PLCD3: variants seen among roughly 807,000 people sequenced by gnomAD.
PLCD3 encodes the protein phospholipase C delta 3, also known as 1-phosphatidylinositol 4,5-bisphosphate phosphodiesterase delta-3.
A neutral mutation model predicts 82.8 loss-of-function variants in PLCD3; 62 were observed. That is an observed-to-expected ratio of 0.75 (90% confidence interval 0.61 to 0.93). PLCD3 has a LOEUF of 0.93. Ranked by LOEUF, PLCD3 falls within the 40% of genes least tolerant of loss-of-function variation. The pLI is 0.00. For missense variants in PLCD3, 1,023 were observed against 1,103.4 expected, an observed-to-expected ratio of 0.93 and a Z score of 1.03; for synonymous variants, 478 against 471.8, an observed-to-expected ratio of 1.01 and a Z score of -0.17.
rs969411498 is a variant in PLCD3, at chr17:45,112,821, C to G, written c.2281+42G>C. 2.5e-6 allele frequency: 4 copies of G among 1,608,444 alleles called. No homozygotes were observed. In the South Asian group the frequency reaches 4.5e-5, roughly 18 times the overall value. On this transcript the variant is annotated intron_variant, in intron 14 of 14. Coordinates refer to ENST00000619929, the MANE Select transcript of PLCD3 (RefSeq NM_133373.5). ...CAAAGGTGAACAGGGTCTGCAGGAC[C>G]TGGACCCACATCCCTCTCCATCCCC...
Position 45,112,711 on chromosome 17 carries a change from G to T in PLCD3, c.2282-7C>A. On this transcript the variant is annotated splice_polypyrimidine_tract_variant and splice_region_variant and intron_variant, in intron 14 of 14. Coordinates refer to ENST00000619929, the MANE Select transcript of PLCD3 (RefSeq NM_133373.5). ...AGGTGTATGTGGCGGTACCCTGTAG[G>T]GAGGACAGCCAGGCCTCAGGTCCTC... 6.2e-7 allele frequency: 1 copy of T among 1,601,910 alleles called. No homozygotes were observed. The highest frequency in any genetic ancestry group is 8.5e-7 in the Non-Finnish European group (1 of 1,174,476).
intron 1 of PLCD3, among the ~76,000 whole-genome samples, chr17:45,129,938 A>G (rs1340447755): frequency 6.6e-6 from 1 of 152,178 alleles, no homozygotes; most frequent in Non-Finnish European, 1.5e-5. Context: ...TATAAAATCT[A>G]TTCTCTGTTA....
intron 8 of PLCD3, 79 bp from the exon 9 acceptor site, chr17:45,115,569 C>T (rs139855877): frequency 2.8e-5 from 38 of 1,347,582 alleles, no homozygotes; most frequent in Admixed American, 2.4e-4. Context: ...ATTCAACCAC[C>T]GCCTTGTGAG....
At chr17:45,112,841 A>G in intron 14 of PLCD3, 22 bp downstream of exon 14, 1 of 1,611,120 alleles carries the variant, frequency 6.2e-7, no homozygotes. Flanking sequence ...ATCCCTCTCC[A>G]TCCCCACCAG....
At chr17:45,120,257 T>C (rs1207572575) in intron 4 of PLCD3, 68 bp downstream of exon 4, 10 of 1,601,244 alleles carry the variant, frequency 6.2e-6, no homozygotes, top group Non-Finnish European at 6.8e-6. Flanking sequence ...ATGATTCAGA[T>C]GGCTGGGGGC....
Position 45,127,510 on chromosome 17 carries a change from C to T in PLCD3, c.163+4738G>A, listed in dbSNP as rs550845380. Among the ~76,000 whole-genome samples, 14 of 152,302 alleles carry T rather than the reference C, an allele frequency of 9.2e-5. No individual in the cohort carries two copies. In the East Asian group the frequency reaches 1.9e-3, roughly 21 times the overall value. ...GACCAGAAACTACCTCATGTCAGAG[C>T]TGGAAGGGGCCCCAAATCCCACCCT... On this transcript the variant is annotated intron_variant, in intron 1 of 14. Transcript: ENST00000619929.
In PLCD3 at chr17:45,120,261, T is replaced by G. The variant is rs2054325286; in HGVS notation, c.684+64A>C. The G allele has an allele frequency of 1.9e-6, 3 of 1,605,060 alleles. No individual in the cohort carries two copies. In the African/African-American group the frequency reaches 4.0e-5, roughly 21 times the overall value. On this transcript the variant is annotated intron_variant, in intron 4 of 14. Transcript: ENST00000619929. ...CAGGGGAGCTGATGATTCAGATGGC[T>G]GGGGGCAGGCAGAGGTCAGAGTGAT...
Position 45,112,886 on chromosome 17 carries a change from A to G in PLCD3, c.2258T>C (p.Leu753Pro). The G allele has an allele frequency of 6.2e-7, 1 of 1,612,588 alleles. No individual in the cohort carries two copies. The highest frequency in any genetic ancestry group is 8.5e-7 in the Non-Finnish European group (1 of 1,179,338). Reference protein sequence around the residue: ...SPNDFVGQFTLPLSSLKQGYR... With the variant: ...SPNDFVGQFTPPLSSLKQGYR... ...ACCTTGCTTTAGGCTGCTAAGAGGCAGTGTAAACTGGCCCACAAAGTCATT... is the reference window on the plus strand; with the variant it reads ...ACCTTGCTTTAGGCTGCTAAGAGGCGGTGTAAACTGGCCCACAAAGTCATT... Residue 753 changes from leucine (L) to proline (P), a missense_variant, in exon 14 of 15, where the codon CTG becomes CCG. Coordinates refer to ENST00000619929, the MANE Select transcript of PLCD3 (RefSeq NM_133373.5).
chr17:45,132,248 CCAT>C lies in PLCD3; in HGVS notation c.160_162del (p.Met54del). On this transcript the variant is annotated inframe_deletion and splice_region_variant, in exon 1 of 15. Coordinates refer to ENST00000619929, the MANE Select transcript of PLCD3 (RefSeq NM_133373.5). This position sits in a 1 kb window ranked among gnomAD's most constrained non-coding sequence, Gnocchi z 4.6. ...CCACCGCCCCTTGCCCGTCACTGAC[CCAT>C]CTTCTTCAGCGCCCGCAGCCCGGGC... 7.9e-7 allele frequency: 1 copy of C among 1,273,518 alleles called. No homozygotes were observed. Among genetic ancestry groups the C allele is most frequent in the African/African-American group, 1.5e-5 (1 of 65,858 alleles). The allele number at this position is 1,273,518 out of a possible 1,614,324, so 78.9% of individuals were successfully genotyped here. A position where few individuals can be genotyped will look rare whatever the true frequency, so the allele number is the denominator to read the frequency against.
At chr17:45,125,591 G>A (rs986893897) in intron 1 of PLCD3, among the ~76,000 whole-genome samples, 11 of 151,906 alleles carry the variant, frequency 7.2e-5, no homozygotes, top group Admixed American at 2.6e-4. Flanking sequence ...GCGAGACTCC[G>A]TCTCAAAAAA....
intron 1 of PLCD3, among the ~76,000 whole-genome samples, chr17:45,123,964 C>CCCTT (rs767288821): frequency 6.2e-5 from 9 of 145,136 alleles, no homozygotes; most frequent in Non-Finnish European, 6.1e-5. Context: ...AGACCCCCCC[C>CCCTT]CCAACCAGGT....
chr17:45,117,979 A>G lies in PLCD3; in HGVS notation c.1260+15T>C, dbSNP rs776436411. On this transcript the variant is annotated intron_variant, in intron 7 of 14. Coordinates refer to ENST00000619929, the MANE Select transcript of PLCD3 (RefSeq NM_133373.5). ...GAAGGCTGTGGGGCTGGGGCTGGGC[A>G]TCCCAGGGGCTCACCGTGAAGGCAT... The G allele has an allele frequency of 4.3e-6, 7 of 1,612,602 alleles. No individual in the cohort carries two copies. Among genetic ancestry groups the G allele is most frequent in the Non-Finnish European group, 5.9e-6 (7 of 1,179,556 alleles).
At chr17:45,114,417 C>A in intron 10 of PLCD3, 51 bp from the exon 11 acceptor site, 1 of 1,447,210 alleles carries the variant, frequency 6.9e-7, no homozygotes, top group Non-Finnish European at 9.4e-7. Flanking sequence ...GTCCCTCACC[C>A]AAAGCCCCGG....
rs71373534 is a variant in PLCD3, at chr17:45,117,488, C to A, written c.1260+506G>T. 2.4e-3 allele frequency among the ~76,000 whole-genome samples: 366 copies of A among 152,316 alleles called. 3 individuals carry two copies. Among genetic ancestry groups the A allele is most frequent in the African/African-American group, 8.5e-3 (354 of 41,562 alleles). On this transcript the variant is annotated intron_variant, in intron 7 of 14. Coordinates refer to ENST00000619929, the MANE Select transcript of PLCD3 (RefSeq NM_133373.5). ...AATTCCTGGCCTCAAGTGATCCTCGCGTCAGCCTCCCAGAGTGCTGGGAAT... is the reference window on the plus strand; with the variant it reads ...AATTCCTGGCCTCAAGTGATCCTCGAGTCAGCCTCCCAGAGTGCTGGGAAT...
At chr17:45,120,641 C>T (rs1196648926) in intron 3 of PLCD3, among the ~76,000 whole-genome samples, 187 bp from the exon 4 acceptor site, 1 of 152,222 alleles carries the variant, frequency 6.6e-6, no homozygotes, top group Admixed American at 6.5e-5. Flanking sequence ...TTACCAAAGA[C>T]AGGAGGCCCT....
intron 1 of PLCD3, among the ~76,000 whole-genome samples, chr17:45,130,169 G>A (rs867634630): frequency 6.6e-6 from 1 of 152,298 alleles, no homozygotes; most frequent in South Asian, 2.1e-4. Context: ...GGACAGGGCA[G>A]TGGTGAGGAA....
chr17:45,113,693 G>C, intron 11 of PLCD3, 88 bp from the exon 12 acceptor site: 1 of 1,460,560 alleles, frequency 6.8e-7, no homozygotes, highest in Admixed American at 2.2e-5. Flanking sequence ...TCTCTACAAA[G>C]GGCCTGGGGT....
Position 45,121,351 on chromosome 17 carries a change from A to ACGTCCT in PLCD3, c.179_184dup (p.Glu60_Asp61dup), listed in dbSNP as rs2054339179. 5.8e-6 allele frequency: 9 copies of ACGTCCT among 1,538,710 alleles called. No homozygotes were observed. Among genetic ancestry groups the ACGTCCT allele is most frequent in the Non-Finnish European group, 6.1e-6 (7 of 1,150,352 alleles). On this transcript the variant is annotated inframe_insertion, in exon 2 of 15. Transcript: ENST00000619929. ...CCGGGAGCCCCGCAGCATGGCGCGCACGTCCTCGTCCTCCGTCAGGCCTGG... is the reference window on the plus strand; with the variant it reads ...CCGGGAGCCCCGCAGCATGGCGCGCACGTCCTCGTCCTCGTCCTCCGTCAGGCCTGG...
In PLCD3 at chr17:45,121,147, G is replaced by A. The variant is rs2054335635; in HGVS notation, c.326-17C>T. ...GCACGAAGACTGAGAGGAGGGCCGG[G>A]TCAGGGCGGAGGACCGGGCCTGTCC... On this transcript the variant is annotated splice_polypyrimidine_tract_variant and intron_variant, in intron 2 of 14. Transcript: ENST00000619929. 2 of 1,519,426 alleles carry A rather than the reference G, an allele frequency of 1.3e-6. No individual in the cohort carries two copies. The allele number at this position is 1,519,426 out of a possible 1,614,324, so 94.1% of individuals were successfully genotyped here.
Sources: gnomAD v4.1 joint callset for allele counts (sites outside exome capture counted in the v4.1 genomes callset) on GRCh38, gnomAD v4.1.1 for gene constraint, Gnocchi (gnomAD v3.1) non-coding constraint, MANE v1.5 for transcripts, NCBI Gene and HGNC (gene_info 2026-07-23, HGNC 2026-07-21) for gene names.